The following RGS7 variants were observed in gnomAD, a reference collection of about 807,000 sequenced individuals.
The protein encoded by RGS7 is regulator of G protein signaling 7, also known as regulator of G-protein signaling 7.
RGS7 carries 27 observed loss-of-function variants against 81.1 expected under a neutral mutation model. The observed-to-expected ratio is 0.33, with a 90% CI of 0.25 to 0.46. The LOEUF is 0.46. Ranked by LOEUF, RGS7 falls within the 20% of genes least tolerant of loss-of-function variation. The pLI, the probability that RGS7 is intolerant of heterozygous loss-of-function variation, is 1.00. For synonymous variants in RGS7, 208 were observed against 207.7 expected (o/e 1.00, Z -0.01); for missense variants, 396 against 607.4 (o/e 0.65, Z 3.66).
intron 2 of RGS7, among the ~76,000 whole-genome samples, chr1:241,273,152 C>T (rs1298208795): frequency 6.8e-6 from 1 of 147,176 alleles, no homozygotes; most frequent in East Asian, 2.0e-4. Flanking sequence ...AGTATTATTA[C>T]AGACTAAAGT....
chr1:240,853,900 CAAAA>C (rs35471716), intron 9 of RGS7, among the ~76,000 whole-genome samples: 489 of 22,054 alleles, frequency 0.022, no homozygotes, highest in African/African-American at 0.078. Flanking sequence ...GACTCCGTCT[CAAAA>C]AAAAAAAAAA....
chr1:240,820,733 CT>C (rs1368152344), intron 10 of RGS7, among the ~76,000 whole-genome samples: 5 of 152,302 alleles, frequency 3.3e-5, no homozygotes, highest in African/African-American at 1.2e-4. Flanking sequence ...GATATTAAAT[CT>C]GCTGGTGCCT....
At chr1:241,031,405 C>A (rs1288760499) in intron 3 of RGS7, among the ~76,000 whole-genome samples, 3 of 152,092 alleles carry the variant, frequency 2.0e-5, no homozygotes. Flanking sequence ...GATTACATAT[C>A]TTTGCTGTTG....
At chr1:240,917,069 T>A (rs1244571642) in intron 6 of RGS7, among the ~76,000 whole-genome samples, 1 of 152,120 alleles carries the variant, frequency 6.6e-6, no homozygotes, top group Admixed American at 6.5e-5. Flanking sequence ...GAATTTCTCA[T>A]CAGAAACCAT....
chr1:240,955,496 G>A (rs1401405656), intron 4 of RGS7, among the ~76,000 whole-genome samples: 5 of 149,206 alleles, frequency 3.4e-5, no homozygotes, highest in Non-Finnish European at 5.9e-5. Flanking sequence ...AGCTTGCAGT[G>A]AGCCGAGATC....
intron 2 of RGS7, among the ~76,000 whole-genome samples, chr1:241,118,571 A>AT (rs1180549629): frequency 6.6e-6 from 1 of 152,236 alleles, no homozygotes. Flanking sequence ...ATTTTATAAT[A>AT]TAAAAAAGAC....
intron 3 of RGS7, among the ~76,000 whole-genome samples, chr1:240,996,677 C>G (rs1558573512): frequency 6.6e-6 from 1 of 152,134 alleles, no homozygotes; most frequent in Non-Finnish European, 1.5e-5. Context: ...TTACTTACAA[C>G]CTGACTATGT....
chr1:240,926,841 T>C (rs1297025840), intron 6 of RGS7, among the ~76,000 whole-genome samples: 1 of 152,240 alleles, frequency 6.6e-6, no homozygotes, highest in Non-Finnish European at 1.5e-5. Context: ...ATGGAGTTTA[T>C]AAAGATATAG....
intron 3 of RGS7, among the ~76,000 whole-genome samples, chr1:241,052,140 G>A (rs1052916699): frequency 2.6e-5 from 4 of 152,080 alleles, no homozygotes; most frequent in Non-Finnish European, 5.9e-5. Flanking sequence ...ATTGGGTCCC[G>A]TGTTCAATGC....
chr1:241,246,806 G>A (rs542337224), intron 2 of RGS7, among the ~76,000 whole-genome samples: 4 of 152,030 alleles, frequency 2.6e-5, no homozygotes, highest in African/African-American at 4.8e-5. Flanking sequence ...AGAGGCCCAT[G>A]CTTGGATGAA....
intron 2 of RGS7, among the ~76,000 whole-genome samples, chr1:241,296,097 G>C (rs2079406653): frequency 6.6e-6 from 1 of 152,192 alleles, no homozygotes; most frequent in Non-Finnish European, 1.5e-5. Context: ...TGGTGGTGTG[G>C]ATTTGGGAAT....
intron 6 of RGS7, among the ~76,000 whole-genome samples, chr1:240,886,775 C>T (rs943318783): frequency 2.2e-4 from 33 of 152,156 alleles, no homozygotes; most frequent in African/African-American, 7.7e-4. Flanking sequence ...CTTTTTCTCC[C>T]CAAAAGGCCC....
intron 2 of RGS7, among the ~76,000 whole-genome samples, chr1:241,143,799 G>T (rs2068099314): frequency 6.6e-6 from 1 of 152,182 alleles, no homozygotes; most frequent in South Asian, 2.1e-4. Flanking sequence ...GTATTTAGAG[G>T]TGGGGGCTTC....
chr1:241,332,511 A>T (rs1053325261), intron 2 of RGS7, among the ~76,000 whole-genome samples: 4 of 152,184 alleles, frequency 2.6e-5, no homozygotes, highest in Non-Finnish European at 5.9e-5. Flanking sequence ...CTTCCCACTA[A>T]AAGAAGTCAT....
chr1:241,162,309 C>T lies in RGS7; in HGVS notation c.79-63547G>A, dbSNP rs79309883. ...TGGCGGCGTTTAACTGGTATATGAG[C>T]TTCCTCCAGGAACGCTCTGCTGGTA... On this transcript the variant is annotated intron_variant, in intron 2 of 18. Transcript: ENST00000440928. 1.2e-3 allele frequency among the ~76,000 whole-genome samples: 177 copies of T among 151,138 alleles called. 1 individual carries two copies. The highest frequency in any genetic ancestry group is 4.1e-3 in the African/African-American group (170 of 41,016).
At chr1:241,172,868 C>A (rs1022849513) in intron 2 of RGS7, among the ~76,000 whole-genome samples, 1 of 152,170 alleles carries the variant, frequency 6.6e-6, no homozygotes, top group Non-Finnish European at 1.5e-5. Flanking sequence ...GAAATACTCT[C>A]TTAAGGAACA....
intron 6 of RGS7, among the ~76,000 whole-genome samples, chr1:240,887,619 C>T (rs1667601950): frequency 6.6e-6 from 1 of 152,100 alleles, no homozygotes. Context: ...TGTAGAACTG[C>T]AATGAATTTG....
At chr1:241,013,311 C>T (rs2059064712) in intron 3 of RGS7, among the ~76,000 whole-genome samples, 1 of 152,106 alleles carries the variant, frequency 6.6e-6, no homozygotes, top group African/African-American at 2.4e-5. Flanking sequence ...GATCTGCCCA[C>T]CTTAGCCTCC....
At chr1:241,235,307 C>A (rs2075868037) in intron 2 of RGS7, among the ~76,000 whole-genome samples, 1 of 152,200 alleles carries the variant, frequency 6.6e-6, no homozygotes, top group South Asian at 2.1e-4. Flanking sequence ...TAACTTCCAA[C>A]TTGGTACTCT....
Sources: allele counts gnomAD v4.1 joint callset (sites outside exome capture counted in the v4.1 genomes callset), GRCh38; gene constraint gnomAD v4.1.1; transcripts MANE v1.5; gene names NCBI Gene and HGNC (gene_info 2026-07-23, HGNC 2026-07-21).